The following ASXL2 variants were observed in gnomAD, a reference collection of about 807,000 sequenced individuals.
The protein encoded by ASXL2 is ASXL transcriptional regulator 2.
In ASXL2, 23 loss-of-function variants were observed where a neutral mutation model predicts 122.0. That is an observed-to-expected ratio of 0.19 (90% CI 0.14 to 0.27). The LOEUF is 0.27. ASXL2 is among the 10% of genes least tolerant of loss of function. ASXL2 has a pLI of 1.00. For missense variants in ASXL2, 1,518 were observed against 1,713.8 expected (o/e 0.89, Z 2.02); for synonymous variants, 650 against 637.0 (o/e 1.02, Z -0.31).
At chr2:25,822,448 C>G (rs2089323633) in intron 3 of ASXL2, 2 of 357,068 alleles carry the variant, frequency 5.6e-6, no homozygotes, top group Admixed American at 7.3e-5. Context: ...CCTGTTCGCC[C>G]GTCCCCCTGC....
intron 5 of ASXL2, among the ~76,000 whole-genome samples, chr2:25,786,383 G>A (rs773312043): frequency 1.8e-4 from 27 of 151,840 alleles, no homozygotes; most frequent in Non-Finnish European, 5.9e-5. Context: ...TGGGACTACA[G>A]GCGCATGCCA....
intron 10 of ASXL2, 102 bp downstream of exon 10, chr2:25,755,916 A>T (rs1158872488): frequency 1.0e-6 from 1 of 968,374 alleles, no homozygotes; most frequent in Non-Finnish European, 1.7e-6. Context: ...CTATGGAAAC[A>T]TCCTGTCCTT....
In ASXL2 at chr2:25,742,671, G is replaced by C; in HGVS notation, c.3666C>G (p.Thr1222=). The C allele has an allele frequency of 6.2e-7, 1 of 1,613,992 alleles. No homozygotes were observed. The highest frequency in any genetic ancestry group is 8.5e-7 in the Non-Finnish European group (1 of 1,179,902). ...CATTCTTGCTAGCTAAGCAATCACT[G>C]GTAGATAGAGTTTCCCTGCTGTGAG... is the stretch of plus-strand genomic sequence containing the variant. ...SGPHSRETLS[T]SDCLASKNVK... is the part of the protein sequence containing the mutation. The change falls in exon 13 of 13, where the codon ACC becomes ACG. Residue 1222 remains threonine, a synonymous_variant. Coordinates refer to ENST00000435504, the MANE Select transcript of ASXL2 (RefSeq NM_018263.6).
At chr2:25,786,401 C>T (rs1031638689) in intron 5 of ASXL2, among the ~76,000 whole-genome samples, 7 of 151,840 alleles carry the variant, frequency 4.6e-5, no homozygotes, top group African/African-American at 1.5e-4. Flanking sequence ...CCACCACGCC[C>T]GGCTAATTTT....
intron 5 of ASXL2, among the ~76,000 whole-genome samples, chr2:25,795,667 T>C (rs1471715260): frequency 6.6e-6 from 1 of 152,188 alleles, no homozygotes; most frequent in Non-Finnish European, 1.5e-5. Context: ...ATCTTGCTAA[T>C]TGCTTCCCTT....
At chr2:25,830,650 A>G (rs965992922) in intron 3 of ASXL2, among the ~76,000 whole-genome samples, 1 of 151,628 alleles carries the variant, frequency 6.6e-6, no homozygotes, top group Admixed American at 6.6e-5. Context: ...AAATTAATAA[A>G]TAAATAAAAA....
intron 1 of ASXL2, among the ~76,000 whole-genome samples, chr2:25,873,737 C>T (rs1559534565): frequency 6.6e-6 from 1 of 151,564 alleles, no homozygotes; most frequent in African/African-American, 2.4e-5. Context: ...ACACCCACAC[C>T]TTGTTTCTCA....
intron 1 of ASXL2, among the ~76,000 whole-genome samples, chr2:25,872,941 T>C (rs1448448422): frequency 1.3e-5 from 2 of 152,240 alleles, no homozygotes; most frequent in East Asian, 3.9e-4. Context: ...AGTTCTTTTT[T>C]TGTTTTTTTC....
intron 9 of ASXL2, 136 bp downstream of exon 9, chr2:25,759,346 C>T: frequency 8.1e-6 from 7 of 869,158 alleles, no homozygotes; most frequent in Non-Finnish European, 8.3e-6. Flanking sequence ...ATTTTTTTTT[C>T]CTAAGCCTTA....
At chr2:25,757,168 G>C (rs1319374787) in intron 9 of ASXL2, among the ~76,000 whole-genome samples, 2 of 152,104 alleles carry the variant, frequency 1.3e-5, no homozygotes, top group Non-Finnish European at 2.9e-5. Flanking sequence ...ACTCCACACA[G>C]TCAAGTATGG....
chr2:25,864,215 A>G (rs898986933), intron 1 of ASXL2, among the ~76,000 whole-genome samples: 1 of 152,144 alleles, frequency 6.6e-6, no homozygotes, highest in Admixed American at 6.5e-5. Context: ...GGGCAAGATC[A>G]TAAGAAAACA....
chr2:25,818,201 C>G (rs1353479995), intron 3 of ASXL2, among the ~76,000 whole-genome samples: 1 of 152,138 alleles, frequency 6.6e-6, no homozygotes, highest in Non-Finnish European at 1.5e-5. Flanking sequence ...CTTACTATAC[C>G]TCAAATCCTG....
Position 25,845,551 on chromosome 2 carries a change from A to AT in ASXL2, c.69dup (p.Tyr24IlefsTer9). On this transcript the variant is annotated frameshift_variant, in exon 2 of 13. Transcript: ENST00000435504. LOFTEE classifies it high-confidence loss of function. Reference sequence around the variant, plus strand: ...TTATGACTCATGGGTGTATTGGGGTATTTTTCTAAGACCTGAAAAACAAGT... The same window carrying AT: ...TTATGACTCATGGGTGTATTGGGGTATTTTTTCTAAGACCTGAAAAACAAGT... 7.0e-7 allele frequency: 1 copy of AT among 1,418,636 alleles called. No homozygotes were observed. Among genetic ancestry groups the AT allele is most frequent in the Non-Finnish European group, 9.3e-7 (1 of 1,073,240 alleles). 87.9% of individuals were successfully genotyped at this position (1,418,636 alleles called of 1,614,324 possible).
At chr2:25,823,955 A>G (rs913542737) in intron 3 of ASXL2, among the ~76,000 whole-genome samples, 1 of 152,138 alleles carries the variant, frequency 6.6e-6, no homozygotes, top group African/African-American at 2.4e-5. Flanking sequence ...TGTTTGAAAA[A>G]AGAGGCTTGC....
At chr2:25,810,511 A>ACCTCAG in intron 3 of ASXL2, 1 of 746,108 alleles carries the variant, frequency 1.3e-6, no homozygotes, top group Non-Finnish European at 2.4e-6. Flanking sequence ...CAAGGAGGCC[A>ACCTCAG]CCTCAGCCTC....
At chr2:25,818,379 C>T (rs373674332) in intron 3 of ASXL2, among the ~76,000 whole-genome samples, 23 of 152,220 alleles carry the variant, frequency 1.5e-4, no homozygotes, top group African/African-American at 4.1e-4. Context: ...GGCATGGTGG[C>T]GGGCACCTGT....
chr2:25,822,395 G>C (rs373497145), intron 3 of ASXL2: 21 of 231,414 alleles, frequency 9.1e-5, no homozygotes, highest in African/African-American at 4.0e-4. Flanking sequence ...TCACCGGAGA[G>C]AAGTCGACTC....
chr2:25,846,216 G>A (rs1439504506), intron 1 of ASXL2, among the ~76,000 whole-genome samples: 3 of 152,194 alleles, frequency 2.0e-5, no homozygotes, highest in African/African-American at 4.8e-5. Flanking sequence ...TGGATAGAGG[G>A]AGAGAAAATT....
At chr2:25,794,226 G>A (rs2088879597) in intron 5 of ASXL2, among the ~76,000 whole-genome samples, 1 of 152,142 alleles carries the variant, frequency 6.6e-6, no homozygotes, top group Non-Finnish European at 1.5e-5. Context: ...AGGAAACAGT[G>A]ATTCCTTACA....
Sources: allele counts gnomAD v4.1 joint callset (sites outside exome capture counted in the v4.1 genomes callset), GRCh38; gene constraint gnomAD v4.1.1; transcripts MANE v1.5; gene names NCBI Gene and HGNC (gene_info 2026-07-23, HGNC 2026-07-21).